Variants in RHPN2 observed in about 807,000 individuals in gnomAD.
The protein encoded by RHPN2 is rhophilin-2.
Under a neutral mutation model 79.0 loss-of-function variants are expected in RHPN2, and 40 were observed. The observed-to-expected ratio is 0.51, with a 90% CI of 0.39 to 0.66. The LOEUF is 0.66. RHPN2 is among the 30% of genes least tolerant of loss of function. RHPN2 has a pLI of 0.00. For synonymous variants in RHPN2, 285 were observed against 363.5 expected (o/e 0.78, Z 2.46); for missense variants, 686 against 883.5 (o/e 0.78, Z 2.83).
At chr19:33,017,371 T>A (rs1319953137) in intron 4 of RHPN2, among the ~76,000 whole-genome samples, 3 of 141,292 alleles carry the variant, frequency 2.1e-5, no homozygotes, top group African/African-American at 7.4e-5. Context: ...TGAAACTCCA[T>A]CTCAAAAAAA....
intron 1 of RHPN2, among the ~76,000 whole-genome samples, chr19:33,044,802 G>A (rs992769313): frequency 3.9e-5 from 6 of 152,172 alleles, no homozygotes; most frequent in South Asian, 2.1e-4. Flanking sequence ...GCTGAGGCAC[G>A]AGAATCGCTT....
chr19:33,044,244 C>T lies in RHPN2; in HGVS notation c.185+5G>A. 1 of 1,607,048 alleles carries T rather than the reference C, an allele frequency of 6.2e-7. No homozygotes were observed. The highest frequency in any genetic ancestry group is 8.5e-7 in the Non-Finnish European group (1 of 1,173,902). On this transcript the variant is annotated splice_donor_5th_base_variant and intron_variant, in intron 2 of 14. Transcript: ENST00000254260. The stretch of plus-strand genomic sequence containing the variant: ...GGAGAGGCAGGGAAGCCAGAAGACA[C>T]CTACTTCAGAAGGTTTTCCGCTCCG...
At chr19:32,982,518 T>A (rs1971582713) in intron 14 of RHPN2, among the ~76,000 whole-genome samples, 1 of 152,104 alleles carries the variant, frequency 6.6e-6, no homozygotes, top group Admixed American at 6.6e-5. Context: ...AGATGCCTCT[T>A]CCTTTTCTGG....
rs1000953898 is a variant in RHPN2, at chr19:32,996,196, A to T, written c.1250T>A (p.Met417Lys). The T allele has an allele frequency of 1.9e-6, 3 of 1,614,148 alleles. No homozygotes were observed. The highest frequency in any genetic ancestry group is 2.5e-6 in the Non-Finnish European group (3 of 1,180,040). Reference protein sequence around the residue: ...QLGKSHLRRAMAHHEESVREA... With the variant: ...QLGKSHLRRAKAHHEESVREA... ...CCGCACCGACTCCTCGTGATGAGCCATGGCTCTGCGCAAGTGGGACTTCCC... is the reference window on the plus strand; with the variant it reads ...CCGCACCGACTCCTCGTGATGAGCCTTGGCTCTGCGCAAGTGGGACTTCCC... Residue 417 changes from methionine (M) to lysine (K), a missense_variant, in exon 11 of 15, where the codon ATG becomes AAG. Coordinates refer to ENST00000254260, the MANE Select transcript of RHPN2 (RefSeq NM_033103.5).
rs140614485 is a variant in RHPN2, at chr19:33,016,517, C to T, written c.391-3793G>A. Among the ~76,000 whole-genome samples, 407 of 152,172 alleles carry T rather than the reference C, an allele frequency of 2.7e-3. 4 individuals are homozygous for T. The highest frequency in any genetic ancestry group is 9.2e-3 in the African/African-American group (383 of 41,532). ...ACAACATGGTGAAACCCTGTCTCTA[C>T]TAAAAATATAAAAATTAGCTGGGTG... is the stretch of plus-strand genomic sequence containing the variant. On this transcript the variant is annotated intron_variant, in intron 4 of 14. Transcript: ENST00000254260.
intron 1 of RHPN2, among the ~76,000 whole-genome samples, chr19:33,059,850 T>A (rs1361416443): frequency 6.6e-6 from 1 of 152,152 alleles, no homozygotes; most frequent in Non-Finnish European, 1.5e-5. Flanking sequence ...CCTCTCAGCT[T>A]CCTAGACCTG....
At chr19:33,048,846 T>C (rs545368152) in intron 1 of RHPN2, among the ~76,000 whole-genome samples, 78 of 152,268 alleles carry the variant, frequency 5.1e-4, no homozygotes, top group African/African-American at 1.8e-3. Flanking sequence ...AGTTTGACTC[T>C]GAATTACCTG....
intron 3 of RHPN2, among the ~76,000 whole-genome samples, chr19:33,022,651 G>C (rs1294099351): frequency 6.6e-6 from 1 of 152,142 alleles, no homozygotes; most frequent in African/African-American, 2.4e-5. Context: ...CATTCCTAGG[G>C]GCAGGGCCAG....
At chr19:33,043,180 G>A (rs56673381) in intron 2 of RHPN2, among the ~76,000 whole-genome samples, 3,435 of 151,352 alleles carry the variant, frequency 0.023, 121 homozygotes, top group African/African-American at 0.079. Context: ...GAGGTTGGGG[G>A]CTACAGTGAG....
chr19:33,024,979 T>A, intron 3 of RHPN2, among the ~76,000 whole-genome samples: 1 of 152,048 alleles, frequency 6.6e-6, no homozygotes, highest in East Asian at 1.9e-4. Context: ...CTTGAACTCC[T>A]GGGCTCAAGC....
At chr19:32,981,346 T>C in intron 14 of RHPN2, among the ~76,000 whole-genome samples, 1 of 140,784 alleles carries the variant, frequency 7.1e-6, no homozygotes, top group Non-Finnish European at 1.5e-5. Context: ...GAGGCTATAG[T>C]GAGCTGTGAT....
At chr19:32,992,961 A>G (rs1001801006) in intron 12 of RHPN2, among the ~76,000 whole-genome samples, 1 of 151,398 alleles carries the variant, frequency 6.6e-6, no homozygotes, top group African/African-American at 2.4e-5. Flanking sequence ...CTCTACAAGA[A>G]ATGAAAATTA....
chr19:33,034,614 A>AAAAC (rs1972040744), intron 2 of RHPN2, among the ~76,000 whole-genome samples: 1 of 149,750 alleles, frequency 6.7e-6, no homozygotes, highest in Non-Finnish European at 1.5e-5. Context: ...TCAAAAAAAA[A>AAAAC]AAAAAAAAAT....
intron 14 of RHPN2, among the ~76,000 whole-genome samples, chr19:32,983,318 G>C (rs536811232): frequency 7.8e-4 from 118 of 151,964 alleles, no homozygotes; most frequent in Non-Finnish European, 1.2e-3. Context: ...TGAGACCATC[G>C]GGGCTAACAT....
At chr19:33,058,780 A>G (rs1447675080) in intron 1 of RHPN2, among the ~76,000 whole-genome samples, 1 of 152,096 alleles carries the variant, frequency 6.6e-6, no homozygotes, top group Admixed American at 6.6e-5. Context: ...CTCCGTCTCA[A>G]TAACAACAAA....
chr19:33,034,322 T>G (rs1158665111), intron 2 of RHPN2, among the ~76,000 whole-genome samples: 1 of 132,968 alleles, frequency 7.5e-6, no homozygotes, highest in Non-Finnish European at 1.6e-5. Context: ...AATACAAAAG[T>G]TGGCCGGGCG....
At chr19:33,015,286 A>C (rs1971868212) in intron 4 of RHPN2, among the ~76,000 whole-genome samples, 1 of 151,962 alleles carries the variant, frequency 6.6e-6, no homozygotes. Context: ...TTAACCAGGC[A>C]TGCTGGCAGG....
chr19:33,059,906 C>T (rs908875927), intron 1 of RHPN2, among the ~76,000 whole-genome samples: 4 of 152,156 alleles, frequency 2.6e-5, no homozygotes, highest in African/African-American at 9.6e-5. Flanking sequence ...ACCTCTTAAG[C>T]GGAGGATCCT....
At chr19:33,008,219 T>G in intron 6 of RHPN2, 39 bp from the exon 7 acceptor site, 1 of 1,600,722 alleles carries the variant, frequency 6.2e-7, no homozygotes, top group Non-Finnish European at 8.6e-7. Context: ...ACAGATTACT[T>G]GGCTAGTTAA....
Sources: allele counts gnomAD v4.1 joint callset (sites outside exome capture counted in the v4.1 genomes callset), GRCh38; gene constraint gnomAD v4.1.1; transcripts MANE v1.5; gene names NCBI Gene and HGNC (gene_info 2026-07-23, HGNC 2026-07-21).